The following PTK2B variants were observed in gnomAD, a reference collection of about 807,000 sequenced individuals.
The protein encoded by PTK2B is protein-tyrosine kinase 2-beta.
In PTK2B, 71 loss-of-function variants were observed where a neutral mutation model predicts 142.9. The observed-to-expected ratio is 0.50, with a 90% CI of 0.41 to 0.61. The LOEUF (loss-of-function observed/expected upper bound fraction) is 0.61. Ranked by LOEUF, PTK2B falls within the 20% of genes least tolerant of loss-of-function variation. The probability of loss-of-function intolerance (pLI) is 0.00; values close to 1 mark genes in which losing one functional copy is unlikely to be tolerated. For missense variants in PTK2B, 1,105 were observed against 1,320.4 expected (o/e 0.84, Z 2.53); for synonymous variants, 519 against 503.4 (o/e 1.03, Z -0.42).
upstream of PTK2B, chr8:27,311,046 C>A (rs369572943): frequency 1.3e-6 from 2 of 1,599,290 alleles, no homozygotes; most frequent in African/African-American, 2.7e-5. Flanking sequence ...GCGGGTGACG[C>A]GCGGTCTTTG....
intron 1 of PTK2B, among the ~76,000 whole-genome samples, chr8:27,333,483 C>A (rs1290493802): frequency 1.3e-5 from 2 of 152,168 alleles, no homozygotes; most frequent in African/African-American, 4.8e-5. Context: ...TCAGGCCTCA[C>A]ACATCTGAAT....
At chr8:27,346,989 T>A (rs577957880) in intron 1 of PTK2B, among the ~76,000 whole-genome samples, 1 of 152,132 alleles carries the variant, frequency 6.6e-6, no homozygotes, top group South Asian at 2.1e-4. Context: ...ACATCAAGAG[T>A]TACTTCTCCT....
chr8:27,384,070 G>A (rs921049060), intron 1 of PTK2B, among the ~76,000 whole-genome samples: 30 of 151,400 alleles, frequency 2.0e-4, no homozygotes, highest in Non-Finnish European at 4.4e-5. Flanking sequence ...GGCTGATCTC[G>A]AACTCCCGAC....
chr8:27,439,627 A>G (rs544709156), intron 20 of PTK2B, among the ~76,000 whole-genome samples: 1 of 152,192 alleles, frequency 6.6e-6, no homozygotes, highest in Admixed American at 6.5e-5. Context: ...TCTTCCTGGA[A>G]GAGGCTCTTG....
intron 1 of PTK2B, among the ~76,000 whole-genome samples, chr8:27,375,664 C>T (rs1015984076): frequency 1.3e-5 from 2 of 152,192 alleles, no homozygotes; most frequent in Non-Finnish European, 2.9e-5. Flanking sequence ...CCAGACCCCA[C>T]GTCTCCTGCC....
At chr8:27,407,811 T>A (rs965107413) in intron 2 of PTK2B, among the ~76,000 whole-genome samples, 2 of 152,148 alleles carry the variant, frequency 1.3e-5, no homozygotes, top group African/African-American at 4.8e-5. Flanking sequence ...CCTTCCCCCC[T>A]TACCCATCAC....
chr8:27,335,612 A>AG (rs1466020748), intron 1 of PTK2B, among the ~76,000 whole-genome samples: 2 of 151,774 alleles, frequency 1.3e-5, no homozygotes, highest in Non-Finnish European at 2.9e-5. Context: ...AAAAAAAAAA[A>AG]AAGAGAAAAG....
chr8:27,362,319 G>T (rs1055556424), intron 1 of PTK2B, among the ~76,000 whole-genome samples: 2 of 152,234 alleles, frequency 1.3e-5, no homozygotes, highest in South Asian at 4.1e-4. Context: ...AGGCCCTATC[G>T]GCATGGCAGG....
chr8:27,439,506 C>T (rs1352612602), intron 20 of PTK2B, 108 bp downstream of exon 20: 3 of 1,225,270 alleles, frequency 2.4e-6, no homozygotes, highest in Non-Finnish European at 3.5e-6. Flanking sequence ...CCCTCCGTTC[C>T]CAGGGTTCTA....
chr8:27,415,756 T>C (rs2131738308), intron 2 of PTK2B, among the ~76,000 whole-genome samples: 1 of 152,258 alleles, frequency 6.6e-6, no homozygotes, highest in African/African-American at 2.4e-5. Flanking sequence ...AGCCCCAAAA[T>C]AAAACATTAA....
At chr8:27,451,781 G>T in intron 27 of PTK2B, 1 of 1,317,140 alleles carries the variant, frequency 7.6e-7, no homozygotes, top group Non-Finnish European at 9.7e-7. Context: ...GCATTAGTTT[G>T]GAGGAGCTGG....
At chr8:27,364,027 A>G (rs1257464191) in intron 1 of PTK2B, among the ~76,000 whole-genome samples, 1 of 151,978 alleles carries the variant, frequency 6.6e-6, no homozygotes, top group Admixed American at 6.6e-5. Context: ...CTCTCCACAC[A>G]CTCTACATAC....
At chr8:27,354,412 G>T (rs960408018) in intron 1 of PTK2B, among the ~76,000 whole-genome samples, 34 of 152,212 alleles carry the variant, frequency 2.2e-4, no homozygotes, top group African/African-American at 7.9e-4. Context: ...AGCACACAAG[G>T]CTGGCCTGGG....
Position 27,406,944 on chromosome 8 carries a change from G to A in PTK2B, c.204+9156G>A, listed in dbSNP as rs191955942. Among the ~76,000 whole-genome samples the A allele has an allele frequency of 5.9e-5, 9 of 152,234 alleles. No individual in the cohort carries two copies. The East Asian group carries it at 1.5e-3, about 26-fold the overall frequency. ...GCTTTAAAAGATATTTTAGTAGGGG[G>A]ACTTTGGGGGGAAAAATCTGTGAAG... On this transcript the variant is annotated intron_variant, in intron 2 of 30. Coordinates refer to ENST00000346049, the MANE Select transcript of PTK2B (RefSeq NM_173176.3).
At chr8:27,390,037 C>T (rs1013830249) in intron 1 of PTK2B, among the ~76,000 whole-genome samples, 8 of 152,152 alleles carry the variant, frequency 5.3e-5, no homozygotes, top group Non-Finnish European at 4.4e-5. Flanking sequence ...GATTCAGAGG[C>T]GGAGTGGAAA....
At chr8:27,331,747 A>G (rs940988014) in intron 1 of PTK2B, among the ~76,000 whole-genome samples, 3 of 152,058 alleles carry the variant, frequency 2.0e-5, no homozygotes, top group Non-Finnish European at 4.4e-5. Context: ...TCAGCCTCCC[A>G]AAGTGCTGGG....
chr8:27,399,765 A>G (rs1489670524), intron 2 of PTK2B, among the ~76,000 whole-genome samples: 2 of 152,222 alleles, frequency 1.3e-5, no homozygotes, highest in Non-Finnish European at 2.9e-5. Context: ...TGTCTCCTGC[A>G]GGCAAAATGC....
chr8:27,427,674 G>T (rs1358183146), intron 5 of PTK2B, among the ~76,000 whole-genome samples: 3 of 152,310 alleles, frequency 2.0e-5, no homozygotes, highest in East Asian at 3.9e-4. Context: ...TCTTATTAAT[G>T]TGGAGGCTGA....
chr8:27,380,897 G>C (rs1432491162), intron 1 of PTK2B: 1 of 152,196 alleles, frequency 6.6e-6, no homozygotes, highest in African/African-American at 2.4e-5. Flanking sequence ...TTAGGAAGGT[G>C]GGGAAAGAGG....
Sources: allele counts gnomAD v4.1 joint callset (sites outside exome capture counted in the v4.1 genomes callset), GRCh38; gene constraint gnomAD v4.1.1; transcripts MANE v1.5; gene names NCBI Gene and HGNC (gene_info 2026-07-23, HGNC 2026-07-21).